The following SERTM1 variants were observed in gnomAD, a reference collection of about 807,000 sequenced individuals.
SERTM1 encodes the protein serine-rich and transmembrane domain-containing protein 1.
A neutral mutation model predicts 5.5 loss-of-function variants in SERTM1; 1 was observed. The observed-to-expected ratio is 0.18, with a 90% CI of 0.06 to 0.86. SERTM1 has a LOEUF of 0.86. Among genes scored for constraint, SERTM1 ranks in the 40% least tolerant of loss-of-function variants. The pLI is 0.69. For synonymous variants in SERTM1, 52 were observed against 55.1 expected (o/e 0.94, Z 0.25); for missense variants, 91 against 122.4 (o/e 0.74, Z 1.21).
rs2056804281 is a variant in SERTM1, at chr13:36,695,095, C to T, written c.17C>T (p.Thr6Ile). The change falls in exon 2 of 2, where the codon ACT (threonine) becomes ATT (isoleucine). Residue 6 changes from threonine to isoleucine, a missense_variant. By Grantham distance (89) the Thr-to-Ile change is moderately conservative. Coordinates refer to ENST00000315190, the MANE Select transcript of SERTM1 (RefSeq NM_203451.3). MSEPDTSSGFSGSVEN... is the reference protein window; with the variant it reads MSEPDISSGFSGSVEN... ...TCCATAAAGATGTCTGAACCTGACA[C>T]TTCCTCAGGATTTTCGGGAAGTGTG... 1.2e-6 allele frequency: 2 copies of T among 1,613,580 alleles called. No individual in the cohort carries two copies. Among genetic ancestry groups the T allele is most frequent in the African/African-American group, 1.3e-5 (1 of 75,004 alleles).
At position 36,695,674 on chromosome 13, in the gene SERTM1, A is replaced by T. The variant is rs887288846; in HGVS notation, c.*272A>T. The T allele has an allele frequency of 4.0e-6, 2 of 495,572 alleles. No individual in the cohort carries two copies. The highest frequency in any genetic ancestry group is 7.4e-6 in the Non-Finnish European group (2 of 271,272). 30.7% of individuals were successfully genotyped at this position (495,572 alleles called of 1,614,324 possible). A position where few individuals can be genotyped will look rare whatever the true frequency, so the allele number is the denominator to read the frequency against. ...TGGGCTTCTTCAGGTAAGTCAGTTC[A>T]TTCTACTTTGTTGGACGCCGTAGGC... On this transcript the variant is annotated 3_prime_UTR_variant, in exon 2 of 2. Coordinates refer to ENST00000315190, the MANE Select transcript of SERTM1 (RefSeq NM_203451.3).
chr13:36,679,697 G>T (rs977819643), intron 1 of SERTM1, among the ~76,000 whole-genome samples: 3 of 152,102 alleles, frequency 2.0e-5, no homozygotes, highest in African/African-American at 7.2e-5. Flanking sequence ...GTGACCCACC[G>T]CACCTGACCT....
At chr13:36,688,920 G>A (rs2056759743) in intron 1 of SERTM1, among the ~76,000 whole-genome samples, 1 of 152,116 alleles carries the variant, frequency 6.6e-6, no homozygotes, top group African/African-American at 2.4e-5. Flanking sequence ...TCAACCCGCA[G>A]GTTACTCCTT....
chr13:36,693,318 A>C (rs2056791329), intron 1 of SERTM1, among the ~76,000 whole-genome samples: 1 of 151,918 alleles, frequency 6.6e-6, no homozygotes, highest in South Asian at 2.1e-4. Flanking sequence ...TGGAACATTT[A>C]TGTGCTATAA....
At chr13:36,675,759 C>T (rs1273351752) in intron 1 of SERTM1, among the ~76,000 whole-genome samples, 1 of 152,178 alleles carries the variant, frequency 6.6e-6, no homozygotes, top group Non-Finnish European at 1.5e-5. Context: ...CAGAGCCTCC[C>T]TCAGCCCATG....
At chr13:36,679,866 T>C (rs931121786) in intron 1 of SERTM1, among the ~76,000 whole-genome samples, 25 of 152,344 alleles carry the variant, frequency 1.6e-4, no homozygotes, top group African/African-American at 6.0e-4. Flanking sequence ...CACAAATTGT[T>C]CACATGGGTG....
chr13:36,691,040 C>T (rs1230744031), intron 1 of SERTM1, among the ~76,000 whole-genome samples: 2 of 152,184 alleles, frequency 1.3e-5, no homozygotes, highest in African/African-American at 4.8e-5. Flanking sequence ...GAATAAAGGT[C>T]ATGAAATTTA....
intron 1 of SERTM1, among the ~76,000 whole-genome samples, chr13:36,684,905 GTGTA>G: frequency 6.6e-6 from 1 of 152,262 alleles, no homozygotes; most frequent in Admixed American, 6.5e-5. Context: ...TTAAAAGAAT[GTGTA>G]ACTATCTTCT....
At chr13:36,692,478 A>G (rs1005921203) in intron 1 of SERTM1, among the ~76,000 whole-genome samples, 1 of 152,220 alleles carries the variant, frequency 6.6e-6, no homozygotes, top group African/African-American at 2.4e-5. Flanking sequence ...CAGAGAAGGT[A>G]GCTTTAGAAA....
At chr13:36,680,747 G>A (rs1011036251) in intron 1 of SERTM1, among the ~76,000 whole-genome samples, 5 of 151,914 alleles carry the variant, frequency 3.3e-5, no homozygotes, top group African/African-American at 7.3e-5. Context: ...TGTTGTTGTC[G>A]TTTTGTTTGT....
intron 1 of SERTM1, among the ~76,000 whole-genome samples, chr13:36,681,983 T>C (rs1448329330): frequency 1.3e-5 from 2 of 152,238 alleles, no homozygotes; most frequent in Non-Finnish European, 2.9e-5. Flanking sequence ...AGTATGGGCA[T>C]AGTTTGCCCT....
At position 36,695,453 on chromosome 13, in the gene SERTM1, G is replaced by A. The variant is rs371366883; in HGVS notation, c.*51G>A. ...GGCAGCAGTTTTGACATCCCCTTACGGAAGTGTCCCGTGAGGCATTGCCTC... is the reference window on the plus strand; with the variant it reads ...GGCAGCAGTTTTGACATCCCCTTACAGAAGTGTCCCGTGAGGCATTGCCTC... On this transcript the variant is annotated 3_prime_UTR_variant, in exon 2 of 2. Transcript: ENST00000315190. 5.1e-5 allele frequency: 71 copies of A among 1,384,864 alleles called. No individual in the cohort carries two copies. In the Middle Eastern group the frequency reaches 1.3e-3, roughly 25 times the overall value. The allele number at this position is 1,384,864 out of a possible 1,614,324, so 85.8% of individuals were successfully genotyped here. A position where few individuals can be genotyped will look rare whatever the true frequency, so the allele number is the denominator to read the frequency against.
chr13:36,680,073 A>C (rs976677393), intron 1 of SERTM1, among the ~76,000 whole-genome samples: 2 of 152,172 alleles, frequency 1.3e-5, no homozygotes, highest in African/African-American at 4.8e-5. Flanking sequence ...ATATTCCAAA[A>C]TCCAAAAAAA....
At chr13:36,694,286 GTTC>G (rs1431587922) in intron 1 of SERTM1, among the ~76,000 whole-genome samples, 2 of 152,138 alleles carry the variant, frequency 1.3e-5, no homozygotes, top group African/African-American at 2.4e-5. Flanking sequence ...TCTAACCTTT[GTTC>G]TTCTTCTAAA....
At chr13:36,675,617 C>T (rs1477179181) in intron 1 of SERTM1, among the ~76,000 whole-genome samples, 1 of 152,128 alleles carries the variant, frequency 6.6e-6, no homozygotes, top group African/African-American at 2.4e-5. Flanking sequence ...TTTTTTGTAA[C>T]TAAATTCTCT....
At chr13:36,693,180 T>C (rs2056790518) in intron 1 of SERTM1, among the ~76,000 whole-genome samples, 2 of 152,238 alleles carry the variant, frequency 1.3e-5, no homozygotes, top group South Asian at 2.1e-4. Context: ...TTTCCTCTGC[T>C]ACACTTAGGA....
At chr13:36,689,254 C>T (rs1445960429) in intron 1 of SERTM1, among the ~76,000 whole-genome samples, 1 of 151,908 alleles carries the variant, frequency 6.6e-6, no homozygotes, top group Non-Finnish European at 1.5e-5. Flanking sequence ...GCCTGTAATC[C>T]CAGCAGTTTG....
intron 1 of SERTM1, 68 bp from the exon 2 acceptor site, chr13:36,694,838 T>A: frequency 1.9e-6 from 1 of 520,370 alleles, no homozygotes; most frequent in Non-Finnish European, 3.4e-6. Flanking sequence ...CTTACTGAAA[T>A]AAAACCTAAA....
chr13:36,680,514 C>T (rs1406249267), intron 1 of SERTM1, among the ~76,000 whole-genome samples: 2 of 152,116 alleles, frequency 1.3e-5, no homozygotes, highest in African/African-American at 4.8e-5. Context: ...GGTGCTAGGC[C>T]CTCAATTTGT....
Sources: allele counts gnomAD v4.1 joint callset (sites outside exome capture counted in the v4.1 genomes callset), GRCh38; gene constraint gnomAD v4.1.1; transcripts MANE v1.5; gene names NCBI Gene and HGNC (gene_info 2026-07-23, HGNC 2026-07-21).